LIN28B: variants seen among roughly 807,000 people sequenced by gnomAD.
The protein encoded by LIN28B is protein lin-28 homolog B.
A neutral mutation model predicts 21.9 loss-of-function variants in LIN28B; 5 were observed. The observed-to-expected ratio is 0.23, with a 90% CI of 0.12 to 0.48. The LOEUF (loss-of-function observed/expected upper bound fraction) is 0.48. Among genes scored for constraint, LIN28B ranks in the 20% least tolerant of loss-of-function variants. The pLI is 0.98. For synonymous variants in LIN28B, 109 were observed against 111.3 expected, an observed-to-expected ratio of 0.98 and a Z score of 0.13; for missense variants, 245 against 310.5, an observed-to-expected ratio of 0.79 and a Z score of 1.58.
chr6:105,030,912 T>C (rs935793964), intron 3 of LIN28B, among the ~76,000 whole-genome samples: 1 of 152,140 alleles, frequency 6.6e-6, no homozygotes, highest in Non-Finnish European at 1.5e-5. Context: ...TCTGTTATAC[T>C]GTTTTTCCCC....
At chr6:104,954,949 A>G (rs1196814015), upstream of LIN28B, among the ~76,000 whole-genome samples, 1 of 152,232 alleles carries the variant, frequency 6.6e-6, no homozygotes, top group African/African-American at 2.4e-5. Flanking sequence ...ACTTAAATGA[A>G]TATTTTACAA....
intron 2 of LIN28B, among the ~76,000 whole-genome samples, chr6:105,007,681 C>T (rs1006188457): frequency 2.6e-5 from 4 of 152,162 alleles, no homozygotes; most frequent in African/African-American, 9.6e-5. Context: ...CATACCACCA[C>T]ACCTGGCAAA....
chr6:104,976,070 T>C (rs1562078503), intron 2 of LIN28B, among the ~76,000 whole-genome samples: 1 of 152,102 alleles, frequency 6.6e-6, no homozygotes, highest in African/African-American at 2.4e-5. Flanking sequence ...CACCCCAGGG[T>C]AGTGCTCTTA....
At chr6:105,063,646 G>A (rs35965375) in intron 3 of LIN28B, among the ~76,000 whole-genome samples, 46,467 of 124,494 alleles carry the variant, frequency 0.37, 9,267 homozygotes, top group South Asian at 0.54. Flanking sequence ...GGGGGGGGGG[G>A]GGAAAAAAAG....
chr6:104,986,651 C>A (rs564905569), intron 2 of LIN28B, among the ~76,000 whole-genome samples: 10 of 151,828 alleles, frequency 6.6e-5, no homozygotes, highest in Non-Finnish European at 1.0e-4. Context: ...GACAGCTAGT[C>A]GTAAGAATTG....
chr6:105,036,717 T>TTA (rs1771529573), intron 3 of LIN28B, among the ~76,000 whole-genome samples: 1 of 152,200 alleles, frequency 6.6e-6, no homozygotes, highest in African/African-American at 2.4e-5. Flanking sequence ...TGATTGCTGA[T>TTA]TATAATAAAT....
chr6:104,988,998 C>T (rs1163935712), intron 2 of LIN28B, among the ~76,000 whole-genome samples: 3 of 152,182 alleles, frequency 2.0e-5, no homozygotes, highest in African/African-American at 7.2e-5. Flanking sequence ...AATAGCCTCA[C>T]ATTTTCTTCA....
chr6:105,040,536 C>A (rs981874215), intron 3 of LIN28B, among the ~76,000 whole-genome samples: 1 of 151,400 alleles, frequency 6.6e-6, no homozygotes, highest in Non-Finnish European at 1.5e-5. Context: ...CTAGTATATA[C>A]CTGATATTAT....
chr6:104,999,882 G>T (rs994136016), intron 2 of LIN28B, among the ~76,000 whole-genome samples: 6 of 152,106 alleles, frequency 3.9e-5, no homozygotes, highest in Non-Finnish European at 8.8e-5. Flanking sequence ...GTTTCTCCAT[G>T]TTGGTCAAGC....
chr6:105,014,701 G>T (rs961845196), intron 2 of LIN28B, among the ~76,000 whole-genome samples: 2 of 152,096 alleles, frequency 1.3e-5, no homozygotes, highest in Non-Finnish European at 2.9e-5. Context: ...CAGTCTTCCT[G>T]CCTGGGCTTC....
intron 2 of LIN28B, among the ~76,000 whole-genome samples, chr6:104,986,415 A>G (rs568162179): frequency 6.6e-6 from 1 of 152,100 alleles, no homozygotes; most frequent in African/African-American, 2.4e-5. Flanking sequence ...TTGTTACTTT[A>G]TAGTAAGACA....
chr6:104,996,440 CAGAT>C (rs1256215785), intron 2 of LIN28B, among the ~76,000 whole-genome samples: 4 of 152,184 alleles, frequency 2.6e-5, no homozygotes, highest in Admixed American at 2.0e-4. Flanking sequence ...CTTGGCCTAA[CAGAT>C]AGTGCCAAGA....
At chr6:104,991,022 C>G (rs2114268063) in intron 2 of LIN28B, among the ~76,000 whole-genome samples, 1 of 152,384 alleles carries the variant, frequency 6.6e-6, no homozygotes, top group Admixed American at 6.5e-5. Context: ...TCCCCGTTTT[C>G]TATTCGACAA....
At chr6:104,966,406 A>G (rs1769860103) in intron 2 of LIN28B, among the ~76,000 whole-genome samples, 1 of 152,162 alleles carries the variant, frequency 6.6e-6, no homozygotes, top group African/African-American at 2.4e-5. Flanking sequence ...TTTAGTTTTT[A>G]TCTTTTTTTC....
At chr6:104,975,656 C>CT (rs1037289742) in intron 2 of LIN28B, among the ~76,000 whole-genome samples, 9 of 149,238 alleles carry the variant, frequency 6.0e-5, no homozygotes, top group South Asian at 2.1e-4. Context: ...CTTTTTTTTT[C>CT]TTTTTTTTTG....
intron 2 of LIN28B, among the ~76,000 whole-genome samples, chr6:105,007,899 C>T (rs1232150441): frequency 6.6e-6 from 1 of 152,186 alleles, no homozygotes; most frequent in Non-Finnish European, 1.5e-5. Context: ...TTTGCCTTGG[C>T]CTTGCAAAGT....
intron 2 of LIN28B, among the ~76,000 whole-genome samples, chr6:104,993,779 G>A (rs1450821613): frequency 6.7e-6 from 1 of 149,196 alleles, no homozygotes; most frequent in African/African-American, 2.5e-5. Flanking sequence ...AGGTTGCGGT[G>A]AGCCGAGATT....
At chr6:105,002,644 T>TTTG (rs1770742145) in intron 2 of LIN28B, among the ~76,000 whole-genome samples, 1 of 152,172 alleles carries the variant, frequency 6.6e-6, no homozygotes, top group Non-Finnish European at 1.5e-5. Context: ...TTGTGTAAAG[T>TTTG]TTGTTGGTCA....
At chr6:104,975,110 G>A (rs1356324357) in intron 2 of LIN28B, among the ~76,000 whole-genome samples, 3 of 152,034 alleles carry the variant, frequency 2.0e-5, no homozygotes, top group Non-Finnish European at 2.9e-5. Context: ...GTGAGCCACC[G>A]CGCCCAGCCC....
Sources: gnomAD v4.1 joint callset for allele counts (sites outside exome capture counted in the v4.1 genomes callset) on GRCh38, gnomAD v4.1.1 for gene constraint, MANE v1.5 for transcripts, NCBI Gene and HGNC (gene_info 2026-07-23, HGNC 2026-07-21) for gene names.